Variants in TACC2 observed in about 807,000 individuals in gnomAD.
TACC2 encodes transforming acidic coiled-coil-containing protein 2.
A neutral mutation model predicts 227.3 loss-of-function variants in TACC2; 137 were observed. The observed-to-expected ratio is 0.60, with a 90% CI of 0.52 to 0.69. The LOEUF (loss-of-function observed/expected upper bound fraction) is 0.69, where lower values mean the gene tolerates loss of function less well. TACC2 is among the 30% of genes least tolerant of loss of function. The probability of loss-of-function intolerance (pLI) is 0.00; values close to 1 mark genes in which losing one functional copy is unlikely to be tolerated. For synonymous variants in TACC2, 1,523 were observed against 1,487.5 expected (o/e 1.02, Z -0.55); for missense variants, 3,470 against 3,694.4 (o/e 0.94, Z 1.57).
intron 5 of TACC2, among the ~76,000 whole-genome samples, chr10:122,107,878 ATAT>A (rs1312631830): frequency 9.0e-5 from 8 of 88,428 alleles, no homozygotes; most frequent in African/African-American, 3.9e-4. Context: ...ATATATATAT[ATAT>A]TTTTTTTTTC....
intron 16 of TACC2, among the ~76,000 whole-genome samples, chr10:122,230,986 T>C (rs1330602321): frequency 6.6e-6 from 1 of 152,240 alleles, no homozygotes; most frequent in Non-Finnish European, 1.5e-5. Context: ...AAAGTGCAAA[T>C]GATAAGTATT....
intron 1 of TACC2, among the ~76,000 whole-genome samples, chr10:122,002,350 T>C (rs1954486077): frequency 6.6e-6 from 1 of 152,180 alleles, no homozygotes; most frequent in Non-Finnish European, 1.5e-5. Flanking sequence ...TATTATTTTC[T>C]GTATATAGTG....
chr10:122,113,389 T>G (rs576901059), intron 5 of TACC2, among the ~76,000 whole-genome samples: 5 of 152,312 alleles, frequency 3.3e-5, no homozygotes, highest in African/African-American at 1.2e-4. Context: ...TAACTGCACA[T>G]TCGGTCCCCT....
At position 122,117,025 on chromosome 10, in the gene TACC2, T is replaced by C. The variant is rs149507369; in HGVS notation, c.5574-15584T>C. 4.5e-3 allele frequency among the ~76,000 whole-genome samples: 690 copies of C among 152,164 alleles called. 7 individuals carry two copies. The highest frequency in any genetic ancestry group is 0.016 in the African/African-American group (653 of 41,504). On this transcript the variant is annotated intron_variant, in intron 5 of 22. Coordinates refer to ENST00000369005, the MANE Select transcript of TACC2 (RefSeq NM_206862.4). The stretch of plus-strand genomic sequence containing the variant: ...TTATGACTGCTATTATCATTAATAC[T>C]TTTATTGTAATGATTTAAATTTGTT...
chr10:122,156,743 C>T (rs1178430220), intron 7 of TACC2, among the ~76,000 whole-genome samples: 1 of 152,186 alleles, frequency 6.6e-6, no homozygotes, highest in Non-Finnish European at 1.5e-5. Flanking sequence ...CATCCTCCTC[C>T]TTCTTCCAGG....
chr10:122,095,918 A>G (rs1424536378), intron 5 of TACC2, among the ~76,000 whole-genome samples: 2 of 152,222 alleles, frequency 1.3e-5, no homozygotes, highest in Non-Finnish European at 2.9e-5. Context: ...AAATACCCAC[A>G]TGGGGCTGTG....
chr10:122,241,766 G>C (rs1309009062), intron 18 of TACC2, 192 bp from the exon 19 acceptor site: 3 of 616,736 alleles, frequency 4.9e-6, no homozygotes, highest in East Asian at 2.7e-5. Flanking sequence ...GATGTTGAAG[G>C]CTTTGCACAA....
intron 16 of TACC2, among the ~76,000 whole-genome samples, chr10:122,231,200 T>G (rs951119824): frequency 2.6e-5 from 4 of 152,182 alleles, no homozygotes; most frequent in African/African-American, 9.7e-5. Context: ...TAACTTTTAT[T>G]AACAATTTGA....
At chr10:122,012,985 C>T (rs751990074) in intron 1 of TACC2, among the ~76,000 whole-genome samples, 57 of 152,314 alleles carry the variant, frequency 3.7e-4, no homozygotes, top group Non-Finnish European at 7.9e-4. Context: ...GGCAGAGCTT[C>T]TTGAAGAGCA....
intron 5 of TACC2, among the ~76,000 whole-genome samples, chr10:122,100,057 G>A (rs2081962656): frequency 6.6e-6 from 1 of 152,168 alleles, no homozygotes; most frequent in Non-Finnish European, 1.5e-5. Flanking sequence ...CTGAGGTCAG[G>A]AGTTTGAGAC....
chr10:122,105,964 GTGTGTGTA>G (rs1334560313), intron 5 of TACC2, among the ~76,000 whole-genome samples: 2 of 146,370 alleles, frequency 1.4e-5, no homozygotes, highest in East Asian at 4.1e-4. Flanking sequence ...GTGTGTGTGT[GTGTGTGTA>G]TGTATATACA....
At chr10:121,997,299 G>A (rs895293924) in intron 1 of TACC2, among the ~76,000 whole-genome samples, 1 of 152,172 alleles carries the variant, frequency 6.6e-6, no homozygotes, top group Non-Finnish European at 1.5e-5. Context: ...TCTGGTCTGA[G>A]GGTGGATGGA....
intron 7 of TACC2, among the ~76,000 whole-genome samples, chr10:122,183,158 T>C (rs1365726530): frequency 6.6e-6 from 1 of 151,944 alleles, no homozygotes; most frequent in African/African-American, 2.4e-5. Flanking sequence ...TGAGCCAAGA[T>C]TGCGCCACTG....
At chr10:121,990,656 C>G (rs1325130904) in intron 1 of TACC2, among the ~76,000 whole-genome samples, 1 of 152,154 alleles carries the variant, frequency 6.6e-6, no homozygotes, top group East Asian at 1.9e-4. Flanking sequence ...GCCCTAATTC[C>G]TCAACTACCA....
chr10:122,248,473 T>A, intron 19 of TACC2, 170 bp from the exon 20 acceptor site: 1 of 741,728 alleles, frequency 1.3e-6, no homozygotes, highest in East Asian at 2.6e-5. Flanking sequence ...TTTTGTTCTG[T>A]TAGAGACAGT....
At chr10:122,010,138 C>T (rs1955741360) in intron 1 of TACC2, among the ~76,000 whole-genome samples, 1 of 152,112 alleles carries the variant, frequency 6.6e-6, no homozygotes, top group African/African-American at 2.4e-5. Context: ...GTGTAGTTGG[C>T]ACCGACACTA....
At chr10:122,216,878 T>C (rs562449796) in intron 11 of TACC2, 50 bp downstream of exon 11, 1,028 of 1,613,942 alleles carry the variant, frequency 6.4e-4, no homozygotes, top group Non-Finnish European at 8.0e-4. Context: ...CGGAGAATCC[T>C]GCCCCTAGGG....
At chr10:122,139,785 G>C (rs887712483) in intron 6 of TACC2, among the ~76,000 whole-genome samples, 12 of 152,222 alleles carry the variant, frequency 7.9e-5, no homozygotes, top group African/African-American at 2.7e-4. Flanking sequence ...TGAAATGGGA[G>C]ATAAGATGCT....
At chr10:122,013,710 C>T (rs1234988679) in intron 1 of TACC2, among the ~76,000 whole-genome samples, 3 of 152,194 alleles carry the variant, frequency 2.0e-5, no homozygotes, top group Non-Finnish European at 2.9e-5. Flanking sequence ...GGGAGCAATG[C>T]CATGGCAGAA....
Sources: allele counts gnomAD v4.1 joint callset (sites outside exome capture counted in the v4.1 genomes callset), GRCh38; gene constraint gnomAD v4.1.1; transcripts MANE v1.5; gene names NCBI Gene and HGNC (gene_info 2026-07-23, HGNC 2026-07-21).